The following KAZN variants were observed in gnomAD, a reference collection of about 807,000 sequenced individuals.
KAZN encodes the protein kazrin, periplakin interacting protein.
KAZN carries 40 observed loss-of-function variants against 87.4 expected under a neutral mutation model. The observed-to-expected ratio is 0.46, with a 90% CI of 0.36 to 0.60. The LOEUF (loss-of-function observed/expected upper bound fraction) is 0.60, where lower values mean the gene tolerates loss of function less well. Among genes scored for constraint, KAZN ranks in the 20% least tolerant of loss-of-function variants. The probability of loss-of-function intolerance (pLI) is 0.00; values close to 1 mark genes in which losing one functional copy is unlikely to be tolerated. For missense variants in KAZN, 898 were observed against 1,073.9 expected, an observed-to-expected ratio of 0.84 and a Z score of 2.29; for synonymous variants, 466 against 458.3, an observed-to-expected ratio of 1.02 and a Z score of -0.22.
At chr1:14,415,527 C>T (rs1226029395) in intron 2 of KAZN, among the ~76,000 whole-genome samples, 5 of 152,254 alleles carry the variant, frequency 3.3e-5, no homozygotes, top group South Asian at 2.1e-4. Context: ...CCCCAGTCCT[C>T]GACCCCCACC....
intron 2 of KAZN, among the ~76,000 whole-genome samples, chr1:14,217,745 TTAA>T (rs1646990469): frequency 6.6e-6 from 1 of 152,058 alleles, no homozygotes; most frequent in African/African-American, 2.4e-5. Flanking sequence ...TGAGAGAAAG[TTAA>T]TAAAACTATT....
chr1:14,421,670 T>A (rs887655432), intron 2 of KAZN, among the ~76,000 whole-genome samples: 3 of 152,184 alleles, frequency 2.0e-5, no homozygotes, highest in African/African-American at 7.2e-5. Context: ...GGTTAAATAC[T>A]GTTGAACAAG....
At chr1:14,789,548 T>C (rs1187112304) in intron 1 of KAZN, among the ~76,000 whole-genome samples, 2 of 152,014 alleles carry the variant, frequency 1.3e-5, no homozygotes, top group South Asian at 2.1e-4. Context: ...TCGGGACCCT[T>C]CCAGGTTCAT....
At chr1:14,882,203 T>G (rs1434208174) in intron 1 of KAZN, among the ~76,000 whole-genome samples, 3 of 152,244 alleles carry the variant, frequency 2.0e-5, no homozygotes, top group African/African-American at 7.2e-5. Flanking sequence ...TGTTATCTCA[T>G]GCAAATTCAG....
intron 1 of KAZN, among the ~76,000 whole-genome samples, chr1:14,788,090 G>A (rs1645563061): frequency 6.6e-6 from 1 of 152,132 alleles, no homozygotes; most frequent in Non-Finnish European, 1.5e-5. Flanking sequence ...TGAATTTCAA[G>A]ACAGCAACAG....
At chr1:15,088,165 G>C (rs1004659127) in intron 8 of KAZN, among the ~76,000 whole-genome samples, 1 of 152,212 alleles carries the variant, frequency 6.6e-6, no homozygotes, top group African/African-American at 2.4e-5. Flanking sequence ...TGCCATTGTA[G>C]CATGAAAGCA....
At chr1:14,320,546 T>C (rs1655978355) in intron 2 of KAZN, among the ~76,000 whole-genome samples, 1 of 152,048 alleles carries the variant, frequency 6.6e-6, no homozygotes, top group African/African-American at 2.4e-5. Flanking sequence ...GTATCTACCC[T>C]GTGAATTCTG....
At chr1:13,973,430 C>A (rs1642201989) in intron 1 of KAZN, among the ~76,000 whole-genome samples, 1 of 152,204 alleles carries the variant, frequency 6.6e-6, no homozygotes, top group African/African-American at 2.4e-5. Flanking sequence ...AGTAGAGGAT[C>A]AGAAGAGAGT....
intron 1 of KAZN, among the ~76,000 whole-genome samples, chr1:14,680,860 G>A (rs576954445): frequency 4.6e-5 from 7 of 152,182 alleles, no homozygotes; most frequent in East Asian, 1.9e-4. Flanking sequence ...CGTGAGACTC[G>A]GTAATTTAGA....
chr1:14,137,325 G>A (rs1645128755), intron 1 of KAZN, among the ~76,000 whole-genome samples: 1 of 152,122 alleles, frequency 6.6e-6, no homozygotes, highest in Non-Finnish European at 1.5e-5. Flanking sequence ...GTGTTCCCAG[G>A]TGCGTGGGTC....
chr1:14,200,927 C>T (rs1309580568), intron 2 of KAZN, among the ~76,000 whole-genome samples: 1 of 152,020 alleles, frequency 6.6e-6, no homozygotes, highest in Non-Finnish European at 1.5e-5. Flanking sequence ...CTATAGAGCT[C>T]CTGACAGCCT....
rs996431724 is a variant in KAZN, at chr1:13,911,363, A to T, written c.91+17607A>T. On this transcript the variant is annotated intron_variant, in intron 1 of 16. Transcript: ENST00000636203. Reference sequence around the variant, plus strand: ...TGTGCCTGGCTGGTGCCACACACTTATAAACAACCAGATCTTGGAGAACCC... The same window carrying T: ...TGTGCCTGGCTGGTGCCACACACTTTTAAACAACCAGATCTTGGAGAACCC... 2.6e-5 allele frequency among the ~76,000 whole-genome samples: 4 copies of T among 152,188 alleles called. No homozygotes were observed. The South Asian group carries it at 6.2e-4, about 24-fold the overall frequency.
At chr1:14,139,382 T>C (rs1404351329) in intron 1 of KAZN, among the ~76,000 whole-genome samples, 4 of 152,244 alleles carry the variant, frequency 2.6e-5, no homozygotes, top group Admixed American at 6.5e-5. Context: ...CTGAAATCCA[T>C]GTCTTAAGCC....
At chr1:15,083,009 T>C (rs1408847037) in intron 8 of KAZN, among the ~76,000 whole-genome samples, 1 of 152,148 alleles carries the variant, frequency 6.6e-6, no homozygotes, top group Non-Finnish European at 1.5e-5. Flanking sequence ...GTCTCCCTCC[T>C]CTAAGTCCCA....
At chr1:14,731,790 C>T (rs1557432727) in intron 1 of KAZN, among the ~76,000 whole-genome samples, 1 of 152,186 alleles carries the variant, frequency 6.6e-6, no homozygotes, top group South Asian at 2.1e-4. Flanking sequence ...CTGTTCGGCA[C>T]CTTAAACAAG....
At chr1:14,084,107 T>G (rs1643777140) in intron 1 of KAZN, among the ~76,000 whole-genome samples, 1 of 152,148 alleles carries the variant, frequency 6.6e-6, no homozygotes, top group Non-Finnish European at 1.5e-5. Context: ...ACACAGCCCC[T>G]CTGGAGGGAG....
intron 1 of KAZN, among the ~76,000 whole-genome samples, chr1:13,944,668 C>A (rs1157216895): frequency 6.6e-6 from 1 of 152,090 alleles, no homozygotes; most frequent in African/African-American, 2.4e-5. Context: ...TTATATTAGA[C>A]TGTAATAAGT....
rs1667894951 is a variant in KAZN at position 14,996,662 on chromosome 1, G to T, written c.418+35787G>T. Among the ~76,000 whole-genome samples, 1 of 152,184 alleles carries T rather than the reference G, an allele frequency of 6.6e-6. No homozygotes were observed. The highest frequency in any genetic ancestry group is 2.1e-4 in the South Asian group (1 of 4,832). ...AGATCAGGATCTGGGTCTGTGAGAG[G>T]CCCTGTGTCCCCTACATTCTCTACG... On this transcript the variant is annotated intron_variant, in intron 2 of 14. Coordinates refer to ENST00000376030, the MANE Select transcript of KAZN (RefSeq NM_201628.3). This position sits in a 1 kb window ranked among gnomAD's most constrained non-coding sequence, Gnocchi z 5.9.
At chr1:14,642,364 C>A (rs1351692007) in intron 1 of KAZN, among the ~76,000 whole-genome samples, 1 of 152,206 alleles carries the variant, frequency 6.6e-6, no homozygotes, top group African/African-American at 2.4e-5. Flanking sequence ...CACGCCACTG[C>A]ACTCCAGCCT....
Sources: gnomAD v4.1 joint callset for allele counts (sites outside exome capture counted in the v4.1 genomes callset) on GRCh38, gnomAD v4.1.1 for gene constraint, Gnocchi (gnomAD v3.1) non-coding constraint, MANE v1.5 for transcripts, NCBI Gene and HGNC (gene_info 2026-07-23, HGNC 2026-07-21) for gene names.